ARHGAP42: variants seen among roughly 807,000 people sequenced by gnomAD.
The protein encoded by ARHGAP42 is rho GTPase-activating protein 42.
A neutral mutation model predicts 125.0 loss-of-function variants in ARHGAP42; 63 were observed. That is an observed-to-expected ratio of 0.50 (90% CI 0.41 to 0.62). The LOEUF (loss-of-function observed/expected upper bound fraction) is 0.62, where lower values mean the gene tolerates loss of function less well. ARHGAP42 is among the 20% of genes least tolerant of loss of function. The probability of loss-of-function intolerance (pLI) is 0.00; values close to 1 mark genes in which losing one functional copy is unlikely to be tolerated. For missense variants in ARHGAP42, 766 were observed against 1,024.2 expected (o/e 0.75, Z 3.44); for synonymous variants, 339 against 351.0 (o/e 0.97, Z 0.38).
chr11:100,729,595 C>T (rs1310329027), intron 1 of ARHGAP42, among the ~76,000 whole-genome samples: 3 of 151,972 alleles, frequency 2.0e-5, no homozygotes, highest in African/African-American at 4.8e-5. Context: ...CACTGATAGG[C>T]GGCAAACTGT....
rs1863678767 is a variant in ARHGAP42 at position 100,795,137 on chromosome 11, A to G, written c.283A>G (p.Ile95Val). ...QSLKEFARLLIAVEEERRRLI... is the reference protein window; with the variant it reads ...QSLKEFARLLVAVEEERRRLI... ...ACTAAAAGAATTTGCAAGACTACTCATTGCAGTAGAAGAAGAAAGGCGAAG... is the reference window on the plus strand; with the variant it reads ...ACTAAAAGAATTTGCAAGACTACTCGTTGCAGTAGAAGAAGAAAGGCGAAG... The change falls in exon 3 of 24, where the codon ATT (isoleucine) becomes GTT (valine). Residue 95 changes from isoleucine (I) to valine (V), a missense_variant. Physicochemically the swap from Ile to Val is conservative, Grantham distance 29 (BLOSUM62 3). Coordinates refer to ENST00000298815, the MANE Select transcript of ARHGAP42 (RefSeq NM_152432.4). 1.9e-6 allele frequency: 3 copies of G among 1,545,596 alleles called. No individual in the cohort carries two copies. The highest frequency in any genetic ancestry group is 1.7e-6 in the Non-Finnish European group (2 of 1,144,458).
At position 100,948,493 on chromosome 11, in the gene ARHGAP42, TA is replaced by T; in HGVS notation, c.1082del (p.Asn361IlefsTer22). ...TCACGTTACAGGCCTTCTCAGAAGC[TA>T]ATAGGAAACTCTGGCTTGAAGCCAT... ...IITLQAFSEA[N>X]RKLWLEAMDG... On this transcript the variant is annotated frameshift_variant, in exon 11 of 24. Transcript: ENST00000298815. LOFTEE classifies it high-confidence loss of function. 1 of 1,550,218 alleles carries T rather than the reference TA, an allele frequency of 6.5e-7. No homozygotes were observed. The highest frequency in any genetic ancestry group is 1.4e-5 in the African/African-American group (1 of 73,078).
intron 1 of ARHGAP42, among the ~76,000 whole-genome samples, chr11:100,704,749 A>G (rs937126648): frequency 1.3e-5 from 2 of 151,936 alleles, no homozygotes; most frequent in East Asian, 1.9e-4. Context: ...TCTTGAAGCT[A>G]GGAGTTGGAG....
At chr11:100,741,895 G>A (rs2120348892) in intron 1 of ARHGAP42, among the ~76,000 whole-genome samples, 1 of 152,280 alleles carries the variant, frequency 6.6e-6, no homozygotes, top group African/African-American at 2.4e-5. Context: ...GGCATGCCCA[G>A]GTTTAGAGGG....
intron 3 of ARHGAP42, among the ~76,000 whole-genome samples, chr11:100,827,206 T>C (rs949100405): frequency 6.6e-6 from 1 of 152,136 alleles, no homozygotes; most frequent in African/African-American, 2.4e-5. Context: ...TTTCACAATG[T>C]TGGCCAGGCT....
At position 100,935,134 on chromosome 11, in the gene ARHGAP42, ATT is replaced by A. The variant is rs34682694; in HGVS notation, c.703-1057_703-1056del. Among the ~76,000 whole-genome samples the A allele has an allele frequency of 5.5e-4, 80 of 146,698 alleles. 1 individual carries two copies. The highest frequency in any genetic ancestry group is 3.3e-3 in the Admixed American group (49 of 14,798). On this transcript the variant is annotated intron_variant, in intron 7 of 23. Coordinates refer to ENST00000298815, the MANE Select transcript of ARHGAP42 (RefSeq NM_152432.4). Reference sequence around the variant, plus strand: ...ACAAGAAAATTTTCCTAATTTTGAGATTTTTTTTTTTTTAAAATGGGGAATAA... The same window carrying A: ...ACAAGAAAATTTTCCTAATTTTGAGATTTTTTTTTTTAAAATGGGGAATAA...
In ARHGAP42 at chr11:100,893,799, G is replaced by A. The variant is rs545747272; in HGVS notation, c.385-19653G>A. Reference sequence around the variant, plus strand: ...AATTGATAAATTCCTTCATAAAGAAGAACCCTATTTCTCAAGTCAAGCAGT... The same window carrying A: ...AATTGATAAATTCCTTCATAAAGAAAAACCCTATTTCTCAAGTCAAGCAGT... On this transcript the variant is annotated intron_variant, in intron 4 of 23. Transcript: ENST00000298815. 1.8e-4 allele frequency among the ~76,000 whole-genome samples: 27 copies of A among 152,156 alleles called. No homozygotes were observed. In the South Asian group the frequency reaches 5.2e-3, roughly 29 times the overall value.
chr11:100,769,712 CTTTTT>C (rs140626690), intron 1 of ARHGAP42, among the ~76,000 whole-genome samples: 16,471 of 77,316 alleles, frequency 0.21, 1,110 homozygotes, highest in East Asian at 0.47. Flanking sequence ...AGCATTCCTT[CTTTTT>C]TTTTTTTTTT....
chr11:100,689,295 T>G (rs1252955756), intron 1 of ARHGAP42, among the ~76,000 whole-genome samples: 1 of 152,224 alleles, frequency 6.6e-6, no homozygotes, highest in Admixed American at 6.5e-5. Context: ...GGCTTGCAAA[T>G]CCTGGTTAAA....
intron 3 of ARHGAP42, among the ~76,000 whole-genome samples, chr11:100,800,515 A>G (rs986377769): frequency 6.6e-6 from 1 of 152,190 alleles, no homozygotes; most frequent in African/African-American, 2.4e-5. Context: ...ATCATCCAAT[A>G]TGATGACAGA....
intron 15 of ARHGAP42, 60 bp from the exon 16 acceptor site, chr11:100,962,349 C>A: frequency 1.5e-6 from 2 of 1,330,048 alleles, no homozygotes; most frequent in Non-Finnish European, 2.1e-6. Context: ...AAACACTTAA[C>A]GTTTAGGGGA....
At chr11:100,762,959 A>C (rs2134975885) in intron 1 of ARHGAP42, among the ~76,000 whole-genome samples, 1 of 129,116 alleles carries the variant, frequency 7.7e-6, no homozygotes, top group East Asian at 2.3e-4. Context: ...GCTTTTCAGT[A>C]GTTTATAGTG....
chr11:100,941,704 C>A, intron 8 of ARHGAP42, 80 bp from the exon 9 acceptor site: 1 of 777,566 alleles, frequency 1.3e-6, no homozygotes, highest in Non-Finnish European at 2.0e-6. Flanking sequence ...GGTTGTATAT[C>A]ATAGCACTGG....
At chr11:100,848,195 A>ACATACATTC (rs1010306185) in intron 3 of ARHGAP42, among the ~76,000 whole-genome samples, 12 of 152,276 alleles carry the variant, frequency 7.9e-5, no homozygotes, top group African/African-American at 2.9e-4. Context: ...GATGGTTGTA[A>ACATACATTC]CATACATTCC....
chr11:100,886,381 C>T (rs1452826923), intron 4 of ARHGAP42, among the ~76,000 whole-genome samples: 4 of 152,114 alleles, frequency 2.6e-5, no homozygotes, highest in African/African-American at 9.7e-5. Flanking sequence ...CTGTGGGAAA[C>T]AATACATTTC....
rs181590504 is a variant in ARHGAP42, at chr11:100,957,996, C to T, written c.1163-1887C>T. 2.9e-3 allele frequency among the ~76,000 whole-genome samples: 434 copies of T among 152,016 alleles called. 1 individual carries two copies. Among genetic ancestry groups the T allele is most frequent in the Admixed American group, 5.3e-3 (80 of 15,226 alleles). ...TGGTTGTCTTTTTCTCTTAATATATCTTTTTAGTGAAAAATAGAACAATGT... is the reference window on the plus strand; with the variant it reads ...TGGTTGTCTTTTTCTCTTAATATATTTTTTTAGTGAAAAATAGAACAATGT... On this transcript the variant is annotated intron_variant, in intron 12 of 23. Coordinates refer to ENST00000298815, the MANE Select transcript of ARHGAP42 (RefSeq NM_152432.4).
intron 1 of ARHGAP42, among the ~76,000 whole-genome samples, chr11:100,719,168 C>T (rs1402083150): frequency 6.6e-6 from 1 of 152,180 alleles, no homozygotes; most frequent in Non-Finnish European, 1.5e-5. Context: ...CACAGCTAAA[C>T]GAATTCACAT....
At chr11:100,821,446 G>A (rs1347913929) in intron 3 of ARHGAP42, among the ~76,000 whole-genome samples, 2 of 151,886 alleles carry the variant, frequency 1.3e-5, no homozygotes, top group Non-Finnish European at 2.9e-5. Context: ...GTATGCTATT[G>A]GGGGCAGCCT....
intron 1 of ARHGAP42, among the ~76,000 whole-genome samples, chr11:100,736,311 T>C (rs1009609959): frequency 1.4e-4 from 22 of 152,212 alleles, no homozygotes; most frequent in African/African-American, 4.6e-4. Context: ...ATTTTCTTTA[T>C]ATGGATGCAT....
Sources: allele counts gnomAD v4.1 joint callset (sites outside exome capture counted in the v4.1 genomes callset), GRCh38; gene constraint gnomAD v4.1.1; transcripts MANE v1.5; gene names NCBI Gene and HGNC (gene_info 2026-07-23, HGNC 2026-07-21).